The following PLXDC2 variants were observed in gnomAD, a reference collection of about 807,000 sequenced individuals.
PLXDC2 encodes the protein plexin domain-containing protein 2.
In PLXDC2, 40 loss-of-function variants were observed where a neutral mutation model predicts 68.9. The ratio of observed to expected loss-of-function variants is 0.58; its 90% confidence interval spans 0.45 to 0.76. PLXDC2 has a LOEUF of 0.76. PLXDC2 is among the 30% of genes least tolerant of loss of function. PLXDC2 has a pLI of 0.00. For missense variants in PLXDC2, 644 were observed against 661.9 expected (o/e 0.97, Z 0.30); for synonymous variants, 243 against 234.2 (o/e 1.04, Z -0.34).
chr10:20,023,438 G>A (rs1419624938), intron 2 of PLXDC2, among the ~76,000 whole-genome samples: 2 of 152,048 alleles, frequency 1.3e-5, no homozygotes, highest in Admixed American at 6.6e-5. Flanking sequence ...TGGGAGGTGG[G>A]GCCTAATAAG....
At chr10:19,997,213 T>C (rs1834858570) in intron 1 of PLXDC2, among the ~76,000 whole-genome samples, 1 of 152,166 alleles carries the variant, frequency 6.6e-6, no homozygotes. Flanking sequence ...AAAGCTGGAG[T>C]AGTCTAGTTT....
At chr10:20,144,754 T>C (rs1834050826) in intron 5 of PLXDC2, among the ~76,000 whole-genome samples, 1 of 152,198 alleles carries the variant, frequency 6.6e-6, no homozygotes, top group East Asian at 1.9e-4. Flanking sequence ...ATAAATGATT[T>C]AGTGAACACT....
intron 1 of PLXDC2, among the ~76,000 whole-genome samples, chr10:19,893,736 A>G (rs944550112): frequency 6.6e-6 from 1 of 152,256 alleles, no homozygotes; most frequent in African/African-American, 2.4e-5. Context: ...AAATTCTGTC[A>G]TAAGTGAAAC....
At chr10:20,101,357 T>C (rs1455360032) in intron 4 of PLXDC2, among the ~76,000 whole-genome samples, 1 of 152,148 alleles carries the variant, frequency 6.6e-6, no homozygotes, top group African/African-American at 2.4e-5. Context: ...TAGTCAATCG[T>C]TTTATTCTTT....
At chr10:20,110,003 G>T (rs1397871985) in intron 4 of PLXDC2, among the ~76,000 whole-genome samples, 1 of 152,120 alleles carries the variant, frequency 6.6e-6, no homozygotes, top group Non-Finnish European at 1.5e-5. Flanking sequence ...TCTAGCAAAG[G>T]AAACAAGTCA....
chr10:20,216,984 A>T (rs1164006267), intron 10 of PLXDC2, among the ~76,000 whole-genome samples: 1 of 152,234 alleles, frequency 6.6e-6, no homozygotes, highest in African/African-American at 2.4e-5. Context: ...GAAGTTAGCA[A>T]ATATTTCGGA....
intron 6 of PLXDC2, among the ~76,000 whole-genome samples, chr10:20,158,097 T>C (rs1834240581): frequency 6.6e-6 from 1 of 152,198 alleles, no homozygotes; most frequent in Non-Finnish European, 1.5e-5. Context: ...TTAGAGTTTT[T>C]ATTATTTCAG....
chr10:20,189,155 C>T (rs1212260172), intron 9 of PLXDC2, among the ~76,000 whole-genome samples: 1 of 75,220 alleles, frequency 1.3e-5, no homozygotes, highest in Non-Finnish European at 4.8e-5. Flanking sequence ...CTGAGTTTAA[C>T]AAAAGTGTAC....
intron 2 of PLXDC2, among the ~76,000 whole-genome samples, chr10:20,044,191 T>TTCTCTCTC (rs201580211): frequency 1.6e-5 from 2 of 127,500 alleles, no homozygotes; most frequent in Non-Finnish European, 3.2e-5. Context: ...CTTTCTTTCT[T>TTCTCTCTC]TCTCTCTCTC....
At chr10:20,043,273 C>G (rs1835716469) in intron 2 of PLXDC2, 2 of 152,080 alleles carry the variant, frequency 1.3e-5, no homozygotes, top group Non-Finnish European at 2.9e-5. Flanking sequence ...AGCGTGGGCT[C>G]TAGAAGTCAA....
At chr10:19,827,179 A>G (rs1432694135) in intron 1 of PLXDC2, among the ~76,000 whole-genome samples, 1 of 152,234 alleles carries the variant, frequency 6.6e-6, no homozygotes, top group African/African-American at 2.4e-5. Context: ...AAATCCTGAA[A>G]TAAGCCCTGC....
chr10:19,829,080 C>T (rs973420334), intron 1 of PLXDC2, among the ~76,000 whole-genome samples: 2 of 151,752 alleles, frequency 1.3e-5, no homozygotes, highest in African/African-American at 2.4e-5. Context: ...CTGTCCTTCC[C>T]CAGGATCCCC....
chr10:20,265,807 T>TA (rs1412558883), intron 13 of PLXDC2, among the ~76,000 whole-genome samples: 4 of 152,294 alleles, frequency 2.6e-5, no homozygotes, highest in African/African-American at 9.6e-5. Context: ...CAAACTCTCT[T>TA]ACACCCAAAG....
chr10:20,275,185 C>T (rs756690539), intron 13 of PLXDC2, among the ~76,000 whole-genome samples: 1 of 151,028 alleles, frequency 6.6e-6, no homozygotes, highest in African/African-American at 2.4e-5. Flanking sequence ...CACAAGGAAG[C>T]CTGAGGTTCA....
At chr10:20,069,996 G>C (rs1836288911) in intron 4 of PLXDC2, among the ~76,000 whole-genome samples, 1 of 152,146 alleles carries the variant, frequency 6.6e-6, no homozygotes, top group African/African-American at 2.4e-5. Context: ...AATTTCTACG[G>C]TTGTGTAGAG....
chr10:19,941,219 G>A (rs1448434775), intron 1 of PLXDC2, among the ~76,000 whole-genome samples: 1 of 152,182 alleles, frequency 6.6e-6, no homozygotes. Flanking sequence ...AGGCAGTACC[G>A]TGTGAGTCTG....
intron 12 of PLXDC2, among the ~76,000 whole-genome samples, chr10:20,244,738 TTTAG>T (rs768863780): frequency 1.3e-5 from 2 of 152,198 alleles, no homozygotes; most frequent in Non-Finnish European, 2.9e-5. Flanking sequence ...CAAAGTTAAA[TTTAG>T]TGTGTAGTTA....
intron 2 of PLXDC2, among the ~76,000 whole-genome samples, chr10:20,043,009 G>C (rs1263877712): frequency 6.6e-6 from 1 of 152,090 alleles, no homozygotes; most frequent in Non-Finnish European, 1.5e-5. Flanking sequence ...CTTTTGAAAA[G>C]AAAATGAAAA....
chr10:19,933,325 C>T (rs1396720371), intron 1 of PLXDC2, among the ~76,000 whole-genome samples: 3 of 152,056 alleles, frequency 2.0e-5, no homozygotes, highest in Non-Finnish European at 4.4e-5. Flanking sequence ...TAGGTCTACC[C>T]AAATCACCAA....
Sources: allele counts gnomAD v4.1 joint callset (sites outside exome capture counted in the v4.1 genomes callset), GRCh38; gene constraint gnomAD v4.1.1; transcripts MANE v1.5; gene names NCBI Gene and HGNC (gene_info 2026-07-23, HGNC 2026-07-21).